The following ABCA13 variants were observed in gnomAD, a reference collection of about 807,000 sequenced individuals.
ABCA13 encodes ATP binding cassette subfamily A member 13, also known as ATP-binding cassette sub-family A member 13.
ABCA13 carries 476 observed loss-of-function variants against 478.7 expected under a neutral mutation model. That is an observed-to-expected ratio of 0.99 (90% CI 0.92 to 1.07). The LOEUF is 1.07. ABCA13 is among the 50% of genes least tolerant of loss of function. The pLI is 0.00. For synonymous variants in ABCA13, 2,252 were observed against 2,158.9 expected (o/e 1.04, Z -1.20); for missense variants, 6,060 against 5,910.6 (o/e 1.03, Z -0.83).
At chr7:48,176,400 C>T (rs1284808575) in intron 1 of ABCA13, among the ~76,000 whole-genome samples, 1 of 152,154 alleles carries the variant, frequency 6.6e-6, no homozygotes, top group Non-Finnish European at 1.5e-5. Flanking sequence ...AACAACAAAA[C>T]TACACTGGCC....
chr7:48,522,130 GT>G (rs1169963486), intron 53 of ABCA13, among the ~76,000 whole-genome samples: 4 of 152,138 alleles, frequency 2.6e-5, no homozygotes, highest in Non-Finnish European at 5.9e-5. Flanking sequence ...GCACATCTAT[GT>G]TGGTTTATGG....
intron 32 of ABCA13, among the ~76,000 whole-genome samples, chr7:48,371,741 C>CA (rs1425133329): frequency 6.6e-6 from 1 of 152,090 alleles, no homozygotes; most frequent in Non-Finnish European, 1.5e-5. Context: ...CAAAAAGAGA[C>CA]AGTTTGACTT....
At chr7:48,502,536 C>T (rs765519374) in intron 48 of ABCA13, among the ~76,000 whole-genome samples, 32 of 152,136 alleles carry the variant, frequency 2.1e-4, no homozygotes, top group Non-Finnish European at 3.2e-4. Context: ...GAACAGAGGC[C>T]TTCAACTTCC....
chr7:48,372,459 C>T lies in ABCA13; in HGVS notation c.11095C>T (p.Leu3699=). The change falls in exon 33 of 62, where the codon CTA becomes TTA. Residue 3699 remains leucine, a synonymous_variant. Coordinates refer to ENST00000435803, the MANE Select transcript of ABCA13 (RefSeq NM_152701.5). ...SFLPYIVLLV[L]HNQLSFVNQT... The stretch of plus-strand genomic sequence containing the variant: ...TCTGCCCTACATAGTTCTATTGGTT[C>T]TACATAACCAATTAAGTTTTGTTAA... The T allele has an allele frequency of 6.3e-7, 1 of 1,575,060 alleles. No homozygotes were observed. The highest frequency in any genetic ancestry group is 8.6e-7 in the Non-Finnish European group (1 of 1,157,394).
chr7:48,394,853 A>G (rs1319054815), intron 38 of ABCA13, among the ~76,000 whole-genome samples: 4 of 152,114 alleles, frequency 2.6e-5, no homozygotes, highest in Non-Finnish European at 5.9e-5. Context: ...TTGAGTTCAG[A>G]AAGAAACCTC....
chr7:48,626,878 G>T (rs62447354), intron 59 of ABCA13: 276,494 of 985,230 alleles, frequency 0.28, 40,419 homozygotes, highest in Middle Eastern at 0.33. Context: ...ACGAGGAAGG[G>T]CTGTTGATAT....
chr7:48,410,661 T>A lies in ABCA13; in HGVS notation c.12212T>A (p.Leu4071Gln). The part of the protein sequence containing the change: ...LKEAYGQGLR[L>Q]TLTRQPSVLE... ...GAGGCATATGGCCAGGGGCTCCGCC[T>A]GACACTCACGAGGCAGGTAAGGAGT... The change falls in exon 40 of 62, where the codon CTG becomes CAG. Residue 4071 changes from leucine to glutamine, a missense_variant. Leu to Gln is a moderately radical substitution (Grantham distance 113). Transcript: ENST00000435803. The A allele has an allele frequency of 6.2e-7, 1 of 1,613,430 alleles. No homozygotes were observed. The highest frequency in any genetic ancestry group is 8.5e-7 in the Non-Finnish European group (1 of 1,179,468).
intron 31 of ABCA13, among the ~76,000 whole-genome samples, chr7:48,361,677 A>G (rs932201660): frequency 6.6e-6 from 1 of 151,674 alleles, no homozygotes; most frequent in African/African-American, 2.4e-5. Context: ...ACATAAGGTA[A>G]TGACTGTTCT....
At position 48,309,985 on chromosome 7, in the gene ABCA13, G is replaced by A. The variant is rs772910062; in HGVS notation, c.9360G>A (p.Lys3120=). The change falls in exon 24 of 62, where the codon AAG becomes AAA. Residue 3120 remains lysine, a synonymous_variant. Transcript: ENST00000435803. ...FSALTVALSG[K]CDQEILHLLL... ...CCCTCACCGTAGCTCTGTCTGGAAA[G>A]TGTGATCAGGAAATCCTTCATCTCC... 1.2e-6 allele frequency: 2 copies of A among 1,613,896 alleles called. No individual in the cohort carries two copies. The highest frequency in any genetic ancestry group is 2.2e-5 in the East Asian group (1 of 44,880).
At chr7:48,445,082 C>T (rs1442466850) in intron 42 of ABCA13, among the ~76,000 whole-genome samples, 1 of 151,174 alleles carries the variant, frequency 6.6e-6, no homozygotes, top group African/African-American at 2.4e-5. Context: ...GATCTCAGCT[C>T]ACTGCAACCT....
At chr7:48,405,640 A>G (rs1406362277) in intron 39 of ABCA13, among the ~76,000 whole-genome samples, 1 of 152,220 alleles carries the variant, frequency 6.6e-6, no homozygotes. Context: ...TTGTGGTGCA[A>G]ATTAAATACC....
chr7:48,475,287 A>G (rs1377875494), intron 45 of ABCA13, among the ~76,000 whole-genome samples: 2 of 152,162 alleles, frequency 1.3e-5, no homozygotes, highest in Admixed American at 1.3e-4. Flanking sequence ...AAGGAGACGT[A>G]CACAAAGCTG....
chr7:48,254,415 C>G (rs1793073233), intron 15 of ABCA13, among the ~76,000 whole-genome samples: 1 of 152,054 alleles, frequency 6.6e-6, no homozygotes, highest in Non-Finnish European at 1.5e-5. Flanking sequence ...AGGCTTATAC[C>G]ACCATTTGCA....
chr7:48,191,356 G>A (rs1797080871), intron 1 of ABCA13, among the ~76,000 whole-genome samples: 1 of 152,138 alleles, frequency 6.6e-6, no homozygotes, highest in East Asian at 1.9e-4. Context: ...TGCACTTTTT[G>A]TCACAAGAAA....
chr7:48,273,703 G>T lies in ABCA13; in HGVS notation c.4037G>T (p.Cys1346Phe), dbSNP rs761782150. ...NVSHDRDLFSCADIFQNVTEC... is the reference protein window; with the variant it reads ...NVSHDRDLFSFADIFQNVTEC... ...TCACATGATCGAGATTTGTTTTCCT[G>T]TGCTGATATTTTCCAAAATGTTACT... The change falls in exon 17 of 62, where the codon TGT (cysteine) becomes TTT (phenylalanine). Residue 1346 changes from cysteine (C) to phenylalanine (F), a missense_variant. Around this residue, in one of 3 missense-constraint regions of ABCA13, gnomAD observed 4,423 missense variants for 4,309.1 expected, o/e 1.03. Transcript: ENST00000435803. 2.5e-6 allele frequency: 4 copies of T among 1,608,240 alleles called. No individual in the cohort carries two copies. In the African/African-American group the frequency reaches 5.3e-5, roughly 21 times the overall value.
intron 55 of ABCA13, among the ~76,000 whole-genome samples, chr7:48,535,564 A>G (rs1833512779): frequency 6.6e-6 from 1 of 152,140 alleles, no homozygotes; most frequent in South Asian, 2.1e-4. Context: ...GTGGGGCCAT[A>G]GAGTTCCCAA....
At chr7:48,395,647 A>G (rs1424181430) in intron 38 of ABCA13, among the ~76,000 whole-genome samples, 1 of 152,204 alleles carries the variant, frequency 6.6e-6, no homozygotes, top group Non-Finnish European at 1.5e-5. Flanking sequence ...CGTGAAGATG[A>G]CAAGGATAAA....
At chr7:48,309,033 G>GCACACACACACACACACA (rs10523187) in intron 23 of ABCA13, among the ~76,000 whole-genome samples, 53 of 138,154 alleles carry the variant, frequency 3.8e-4, no homozygotes, top group South Asian at 1.3e-3. Context: ...ACACATGACT[G>GCACACACACACACACACA]CACACACACA....
chr7:48,245,916 C>G lies in ABCA13; in HGVS notation c.1545C>G (p.Val515=), dbSNP rs761413279. The G allele has an allele frequency of 1.2e-5, 19 of 1,613,508 alleles. No homozygotes were observed. The highest frequency in any genetic ancestry group is 1.6e-5 in the Non-Finnish European group (19 of 1,179,762). The change falls in exon 13 of 62, where the codon GTC becomes GTG. Residue 515 remains valine (V), a synonymous_variant. Coordinates refer to ENST00000435803, the MANE Select transcript of ABCA13 (RefSeq NM_152701.5). ...ATGGTCGTTTCTCTGAGAAGGAGGT[C>G]TTTTTGCCGCCTGGAAACTCCAGCA... ...CPNGRFSEKE[V]FLPPGNSSIW... is the part of the protein sequence containing the mutation.
Sources: gnomAD v4.1 joint callset for allele counts (sites outside exome capture counted in the v4.1 genomes callset) on GRCh38, gnomAD v4.1.1 for gene constraint, gnomAD v4.1.1 regional missense constraint, MANE v1.5 for transcripts, NCBI Gene and HGNC (gene_info 2026-07-23, HGNC 2026-07-21) for gene names.